Variants in SS18L1 observed in about 807,000 individuals in gnomAD.
The protein encoded by SS18L1 is SS18L1 subunit of BAF chromatin remodeling complex.
SS18L1 carries 32 observed loss-of-function variants against 70.3 expected under a neutral mutation model. The ratio of observed to expected loss-of-function variants is 0.46; its 90% CI spans 0.34 to 0.61. The LOEUF (loss-of-function observed/expected upper bound fraction) is 0.61. Among genes scored for constraint, SS18L1 ranks in the 20% least tolerant of loss-of-function variants. SS18L1 has a pLI of 0.01. For missense variants in SS18L1, 430 were observed against 542.1 expected, an observed-to-expected ratio of 0.79 and a Z score of 2.05; for synonymous variants, 237 against 229.7, an observed-to-expected ratio of 1.03 and a Z score of -0.29.
At chr20:62,147,351 G>A (rs527359350) in intron 1 of SS18L1, among the ~76,000 whole-genome samples, 1 of 152,128 alleles carries the variant, frequency 6.6e-6, no homozygotes, top group African/African-American at 2.4e-5. Context: ...TGTCCCCACG[G>A]TGGCCCTGGG....
chr20:62,171,140 G>A (rs1442072868), intron 8 of SS18L1, among the ~76,000 whole-genome samples: 4 of 152,086 alleles, frequency 2.6e-5, no homozygotes, highest in African/African-American at 9.7e-5. Flanking sequence ...CTGACCTTGT[G>A]ATCCACCCGC....
At chr20:62,153,747 G>A (rs1349606147) in intron 1 of SS18L1, among the ~76,000 whole-genome samples, 1 of 152,100 alleles carries the variant, frequency 6.6e-6, no homozygotes, top group African/African-American at 2.4e-5. Context: ...TCTCGGGGCT[G>A]CTCTCCGTGG....
At position 62,179,827 on chromosome 20, in the gene SS18L1, A is replaced by G. The variant is rs2057681929; in HGVS notation, c.*619A>G. ...AGATGGCCACTTCCAGAGCTTGCCC[A>G]TTGCCTGTCTCTCGCCAATTCCGTT... On this transcript the variant is annotated 3_prime_UTR_variant, in exon 11 of 11. Transcript: ENST00000331758. 1 of 228,838 alleles carries G rather than the reference A, an allele frequency of 4.4e-6. No individual in the cohort carries two copies. Among genetic ancestry groups the G allele is most frequent in the African/African-American group, 2.2e-5 (1 of 45,050 alleles). 14.2% of individuals were successfully genotyped at this position (228,838 alleles called of 1,614,324 possible). A position where few individuals can be genotyped will look rare whatever the true frequency, so the allele number is the denominator to read the frequency against.
At chr20:62,144,382 C>T (rs944401184) in intron 1 of SS18L1, among the ~76,000 whole-genome samples, 1 of 152,218 alleles carries the variant, frequency 6.6e-6, no homozygotes, top group African/African-American at 2.4e-5. Context: ...CCCGGGTCGG[C>T]CTCCGGGCGC....
At chr20:62,173,057 G>A (rs866868112) in intron 9 of SS18L1, among the ~76,000 whole-genome samples, 1 of 152,224 alleles carries the variant, frequency 6.6e-6, no homozygotes, top group Non-Finnish European at 1.5e-5. Flanking sequence ...TTCCAGAAAA[G>A]TTGGAAACAT....
At chr20:62,144,215 G>A (rs1311782679) in intron 1 of SS18L1, among the ~76,000 whole-genome samples, 1 of 151,472 alleles carries the variant, frequency 6.6e-6, no homozygotes, top group Non-Finnish European at 1.5e-5. Context: ...CCCCGAGTCC[G>A]CGGCGCGCGC....
chr20:62,181,564 C>T lies in SS18L1; in HGVS notation c.*2356C>T, dbSNP rs1285941853. The T allele has an allele frequency of 9.4e-6, 2 of 211,954 alleles. No individual in the cohort carries two copies. Among genetic ancestry groups the T allele is most frequent in the Non-Finnish European group, 1.9e-5 (2 of 104,980 alleles). The allele number at this position is 211,954 out of a possible 1,614,324, so 13.1% of individuals were successfully genotyped here. A position where few individuals can be genotyped will look rare whatever the true frequency, so the allele number is the denominator to read the frequency against. ...CAAAACTTCAATCTGAAATGTCTTA[C>T]ATTAAGAATATCTTGAATGTTGTGT... On this transcript the variant is annotated 3_prime_UTR_variant, in exon 11 of 11. Coordinates refer to ENST00000331758, the MANE Select transcript of SS18L1 (RefSeq NM_198935.3).
chr20:62,144,714 G>A (rs755635622), intron 1 of SS18L1, among the ~76,000 whole-genome samples: 1 of 152,264 alleles, frequency 6.6e-6, no homozygotes, highest in South Asian at 2.1e-4. Flanking sequence ...AAAGCCCTAA[G>A]TTTTGAAATT....
intron 3 of SS18L1, among the ~76,000 whole-genome samples, chr20:62,160,349 GAGAGA>G (rs2057304688): frequency 1.2e-5 from 1 of 83,208 alleles, no homozygotes; most frequent in Non-Finnish European, 2.1e-5. Flanking sequence ...GGGAGAGGTG[GAGAGA>G]GGTGGGATGG....
intron 6 of SS18L1, 29 bp from the exon 7 acceptor site, chr20:62,164,116 C>T (rs1341214686): frequency 2.6e-6 from 4 of 1,543,046 alleles, no homozygotes; most frequent in African/African-American, 1.4e-5. Context: ...GCGCGGCCCG[C>T]ACTGGCGCTG....
rs1555822964 is a variant in SS18L1 at position 62,159,829 on chromosome 20, A to C, written c.147-48A>C. 33 of 1,576,694 alleles carry C rather than the reference A, an allele frequency of 2.1e-5. No individual in the cohort carries two copies. Among genetic ancestry groups the C allele is most frequent in the Non-Finnish European group, 2.8e-5 (32 of 1,155,854 alleles). ...ACTTCTGCCTTGGATCCACGTGGGG[A>C]CTCTGTGGTCCCGTCGTCCTGCCTC... is the stretch of plus-strand genomic sequence containing the variant. On this transcript the variant is annotated intron_variant, in intron 2 of 10. Transcript: ENST00000331758. The surrounding 1 kb of genome is among the most constrained non-coding windows in gnomAD (Gnocchi z 4.4).
intron 8 of SS18L1, among the ~76,000 whole-genome samples, chr20:62,169,192 G>A (rs904679332): frequency 5.3e-5 from 8 of 152,246 alleles, no homozygotes; most frequent in African/African-American, 1.9e-4. Context: ...AGGAGAGACC[G>A]CCCATGAGCT....
In SS18L1 at chr20:62,180,899, A is replaced by AAAATAAAT. The variant is rs147777670; in HGVS notation, c.*1710_*1717dup. On this transcript the variant is annotated 3_prime_UTR_variant, in exon 11 of 11. Transcript: ENST00000331758. ...AACAAGAGTGAAATTCCGTCTCAAA[A>AAAATAAAT]AAATAAATAAATAAATAAATAAATA... 2 of 171,034 alleles carry AAAATAAAT rather than the reference A, an allele frequency of 1.2e-5. No homozygotes were observed. Among genetic ancestry groups the AAAATAAAT allele is most frequent in the African/African-American group, 4.8e-5 (2 of 42,010 alleles). The allele number at this position is 171,034 out of a possible 1,614,324, so 10.6% of individuals were successfully genotyped here. A position where few individuals can be genotyped will look rare whatever the true frequency, so the allele number is the denominator to read the frequency against.
rs2057410505 is a variant in SS18L1, at chr20:62,165,468, C to T, written c.870C>T (p.Ser290=). The part of the protein sequence containing the change: ...AYQQSSYTEQ[S]YDRSFEESTQ... ...AGCAGTCATCCTACACGGAGCAGAG[C>T]TACGACCGGTCCTTCGAGGAGTCCA... Residue 290 remains serine (S), a synonymous_variant, in exon 8 of 11, where the codon AGC becomes AGT. Transcript: ENST00000331758. The T allele has an allele frequency of 6.2e-7, 1 of 1,613,234 alleles. No individual in the cohort carries two copies. The highest frequency in any genetic ancestry group is 8.5e-7 in the Non-Finnish European group (1 of 1,179,930).
In SS18L1 at chr20:62,150,151, CAT is replaced by C. The variant is rs550979702; in HGVS notation, c.69+6263_69+6264del. ...GCCAGCTCCTCTCAAGGAGACTGCA[CAT>C]GTGTAAATTGAGACGCTCTTCTGAA... On this transcript the variant is annotated intron_variant, in intron 1 of 10. Transcript: ENST00000331758. 9.2e-5 allele frequency among the ~76,000 whole-genome samples: 14 copies of C among 152,378 alleles called. No homozygotes were observed. The South Asian group carries it at 2.9e-3, about 32-fold the overall frequency.
Position 62,174,649 on chromosome 20 carries a change from G to A in SS18L1, c.1164+5G>A. The stretch of plus-strand genomic sequence containing the variant: ...CGGCCCTACGGCTATGAACAGGCAA[G>A]CTTTCTGGATGTTTCCAGATGTGCC... On this transcript the variant is annotated splice_donor_5th_base_variant and intron_variant, in intron 10 of 10. Transcript: ENST00000331758. The surrounding 1 kb of genome is among the most constrained non-coding windows in gnomAD (Gnocchi z 4.1). 1 of 1,613,472 alleles carries A rather than the reference G, an allele frequency of 6.2e-7. No individual in the cohort carries two copies. The highest frequency in any genetic ancestry group is 8.5e-7 in the Non-Finnish European group (1 of 1,180,028).
intron 4 of SS18L1, 199 bp from the exon 5 acceptor site, chr20:62,162,553 C>G: frequency 1.8e-6 from 1 of 561,840 alleles, no homozygotes; most frequent in Non-Finnish European, 3.0e-6. Context: ...ATCCACCCAC[C>G]TCGGCCTCCC....
chr20:62,175,684 G>A (rs1011232842), intron 10 of SS18L1, among the ~76,000 whole-genome samples: 1 of 152,318 alleles, frequency 6.6e-6, no homozygotes, highest in East Asian at 1.9e-4. Flanking sequence ...GCACTACATC[G>A]CTCAAGTTTG....
rs1370305897 is a variant in SS18L1, at chr20:62,182,400, GTTAT to G, written c.*3195_*3198del. 1.5e-5 allele frequency: 3 copies of G among 200,476 alleles called. No homozygotes were observed. Among genetic ancestry groups the G allele is most frequent in the Middle Eastern group, 1.7e-3 (1 of 582 alleles). 12.4% of individuals were successfully genotyped at this position (200,476 alleles called of 1,614,324 possible). A position where few individuals can be genotyped will look rare whatever the true frequency, so the allele number is the denominator to read the frequency against. ...GTACATTTAAAAAACATCCTTATCG[GTTAT>G]TTTTTTTTCAGTCGGAGTTTGACGT... On this transcript the variant is annotated 3_prime_UTR_variant, in exon 11 of 11. Transcript: ENST00000331758.
Sources: gnomAD v4.1 joint callset for allele counts (sites outside exome capture counted in the v4.1 genomes callset) on GRCh38, gnomAD v4.1.1 for gene constraint, Gnocchi (gnomAD v3.1) non-coding constraint, MANE v1.5 for transcripts, NCBI Gene and HGNC (gene_info 2026-07-23, HGNC 2026-07-21) for gene names.